PCM1: variants seen among roughly 807,000 people sequenced by gnomAD.
PCM1 encodes pericentriolar material 1.
A neutral mutation model predicts 241.9 loss-of-function variants in PCM1; 157 were observed. That is an observed-to-expected ratio of 0.65 (90% CI 0.57 to 0.74). The LOEUF (loss-of-function observed/expected upper bound fraction) is 0.74. Ranked by LOEUF, PCM1 falls within the 30% of genes least tolerant of loss-of-function variation. The pLI is 0.00. For synonymous variants in PCM1, 1,085 were observed against 784.9 expected (o/e 1.38, Z -6.39); for missense variants, 3,478 against 2,360.1 (o/e 1.47, Z -9.81).
chr8:17,931,125 TTTCCCAAACTAA>T (rs2058889399), intron 2 of PCM1, among the ~76,000 whole-genome samples: 2 of 152,180 alleles, frequency 1.3e-5, no homozygotes, highest in South Asian at 4.1e-4. Context: ...ATCATCTGTT[TTTCCCAAACTAA>T]TTAGAGTGTA....
rs764262984 is a variant in PCM1 at position 17,961,546 on chromosome 8, C to T, written c.2323-488C>T. On this transcript the variant is annotated intron_variant, in intron 15 of 38. Transcript: ENST00000325083. ...CAAGATGGTCTCAGTCTCCTGCCGTCGTGATCCGCCCGCCTCGGCCTCCTG... is the reference window on the plus strand; with the variant it reads ...CAAGATGGTCTCAGTCTCCTGCCGTTGTGATCCGCCCGCCTCGGCCTCCTG... Among the ~76,000 whole-genome samples the T allele has an allele frequency of 3.1e-4, 47 of 152,056 alleles. 1 individual carries two copies. Among genetic ancestry groups the T allele is most frequent in the Middle Eastern group, 3.2e-3 (1 of 316 alleles).
At chr8:18,026,201 A>AAAG (rs2094193890) in intron 38 of PCM1, among the ~76,000 whole-genome samples, 1 of 144,164 alleles carries the variant, frequency 6.9e-6, no homozygotes, top group African/African-American at 2.5e-5. Context: ...AAAAAAAAAA[A>AAAG]TGTAGACATG....
intron 27 of PCM1, 109 bp downstream of exon 27, chr8:17,990,088 T>A: frequency 1.3e-6 from 1 of 792,136 alleles, no homozygotes; most frequent in Non-Finnish European, 1.9e-6. Context: ...TGTGTGTGGT[T>A]GAAAGAATGT....
At chr8:17,946,307 C>T (rs562143536) in intron 6 of PCM1, among the ~76,000 whole-genome samples, 31 of 151,902 alleles carry the variant, frequency 2.0e-4, no homozygotes, top group African/African-American at 5.8e-4. Context: ...CCTTTGATGA[C>T]GAATATAAAA....
At chr8:18,012,102 C>A (rs2092603205) in intron 34 of PCM1, among the ~76,000 whole-genome samples, 2 of 152,090 alleles carry the variant, frequency 1.3e-5, no homozygotes, top group South Asian at 4.1e-4. Context: ...TCAAGCGATC[C>A]TCCCACCTCA....
intron 29 of PCM1, among the ~76,000 whole-genome samples, chr8:18,003,526 A>G (rs1042371051): frequency 7.2e-5 from 11 of 152,320 alleles, no homozygotes; most frequent in African/African-American, 2.6e-4. Context: ...ATGTGTTTAC[A>G]GGCAGAATTC....
At chr8:17,947,487 G>A (rs2064270423) in intron 7 of PCM1, 124 bp downstream of exon 7, 2 of 723,454 alleles carry the variant, frequency 2.8e-6, no homozygotes, top group Non-Finnish European at 4.5e-6. Context: ...ACCTTCATAT[G>A]AGGCTTATAC....
At chr8:17,972,080 C>G (rs764154710) in intron 22 of PCM1, among the ~76,000 whole-genome samples, 1 of 152,162 alleles carries the variant, frequency 6.6e-6, no homozygotes, top group Non-Finnish European at 1.5e-5. Context: ...ATTGCTAATG[C>G]TAGATCTTTG....
rs202114814 is a variant in PCM1, at chr8:17,966,976, G to C, written c.3222-4G>C. On this transcript the variant is annotated splice_region_variant and splice_polypyrimidine_tract_variant and intron_variant, in intron 20 of 38. Coordinates refer to ENST00000325083, the MANE Select transcript of PCM1 (RefSeq NM_006197.4). ...TCTTAGATTACTGACTTAAATCTTT[G>C]TAGGTTGAAACAAATGCTAAATGAA... The C allele has an allele frequency of 1.6e-3, 2,483 of 1,594,944 alleles. 12 individuals carry two copies. The highest frequency in any genetic ancestry group is 1.6e-3 in the Non-Finnish European group (1,817 of 1,170,816).
chr8:17,987,743 GCAGTGTC>G (rs1195441855), intron 26 of PCM1, among the ~76,000 whole-genome samples: 7 of 151,864 alleles, frequency 4.6e-5, no homozygotes, highest in Non-Finnish European at 1.0e-4. Context: ...ATCTGAAGCA[GCAGTGTC>G]CAGTAGAACT....
chr8:17,965,547 A>G (rs1164837684), intron 18 of PCM1, among the ~76,000 whole-genome samples: 1 of 152,246 alleles, frequency 6.6e-6, no homozygotes, highest in Non-Finnish European at 1.5e-5. Flanking sequence ...TTAAGCAAAA[A>G]TAACAAATTG....
rs75732717 is a variant in PCM1, at chr8:17,932,232, C to T, written c.-22-3357C>T. Among the ~76,000 whole-genome samples the T allele has an allele frequency of 2.4e-3, 368 of 152,150 alleles. 2 individuals carry two copies. The highest frequency in any genetic ancestry group is 8.6e-3 in the African/African-American group (356 of 41,536). ...GTTTTTTAATTTATCACAATTATAG[C>T]GTAATAAACAACTTCATTATAGTTC... is the stretch of plus-strand genomic sequence containing the variant. On this transcript the variant is annotated intron_variant, in intron 2 of 38. Coordinates refer to ENST00000325083, the MANE Select transcript of PCM1 (RefSeq NM_006197.4).
At chr8:17,929,731 C>T (rs117417743) in intron 2 of PCM1, among the ~76,000 whole-genome samples, 2,567 of 152,258 alleles carry the variant, frequency 0.017, 39 homozygotes, top group South Asian at 0.042. Flanking sequence ...CCAGAGACCC[C>T]CAGTGCATGC....
chr8:17,940,862 T>G (rs769264947), intron 6 of PCM1, among the ~76,000 whole-genome samples: 1 of 152,204 alleles, frequency 6.6e-6, no homozygotes, highest in Non-Finnish European at 1.5e-5. Context: ...CCTATAACCA[T>G]GCATTATTAA....
intron 6 of PCM1, among the ~76,000 whole-genome samples, chr8:17,941,665 C>G (rs546620009): frequency 6.6e-6 from 1 of 151,918 alleles, no homozygotes; most frequent in Non-Finnish European, 1.5e-5. Context: ...ATCTTTTAGT[C>G]TGAGAATTCG....
Position 17,923,203 on chromosome 8 carries a change from T to TC in PCM1, c.-91+19dup, listed in dbSNP as rs996167150. The stretch of plus-strand genomic sequence containing the variant: ...TTCTTGTAGAGGTAATGCCTGCGCG[T>TC]CCCCAGCCCTTGGCAACCTAGGGCG... On this transcript the variant is annotated intron_variant, in intron 1 of 38. Transcript: ENST00000325083. 3 of 152,316 alleles carry TC rather than the reference T, an allele frequency of 2.0e-5. No individual in the cohort carries two copies. The highest frequency in any genetic ancestry group is 7.2e-5 in the African/African-American group (3 of 41,446). 9.4% of individuals were successfully genotyped at this position (152,316 alleles called of 1,614,324 possible).
Position 17,966,380 on chromosome 8 carries a change from C to A in PCM1, c.3128C>A (p.Pro1043His). 1.2e-6 allele frequency: 2 copies of A among 1,613,410 alleles called. No homozygotes were observed. The highest frequency in any genetic ancestry group is 1.7e-6 in the Non-Finnish European group (2 of 1,179,484). ...TLLTGPYSVM[P>H]SNVASPQVHF... The stretch of plus-strand genomic sequence containing the variant: ...CTCACGGGTCCTTACAGTGTTATGC[C>A]CAGCAATGTTGCATCTCCTCAAGTA... The change falls in exon 20 of 39, where the codon CCC (proline) becomes CAC (histidine). Residue 1043 changes from proline to histidine, a missense_variant. Transcript: ENST00000325083.
chr8:17,993,945 A>C (rs1300085043), intron 29 of PCM1, among the ~76,000 whole-genome samples: 1 of 152,152 alleles, frequency 6.6e-6, no homozygotes, highest in Non-Finnish European at 1.5e-5. Context: ...TATGGGGTAC[A>C]TGAAATAGTT....
chr8:17,943,757 AT>A (rs980344537), intron 6 of PCM1, among the ~76,000 whole-genome samples: 9 of 151,784 alleles, frequency 5.9e-5, no homozygotes, highest in African/African-American at 1.2e-4. Flanking sequence ...ACCTGTGTTT[AT>A]TTTTTTCTCT....
Sources: allele counts gnomAD v4.1 joint callset (sites outside exome capture counted in the v4.1 genomes callset), GRCh38; gene constraint gnomAD v4.1.1; transcripts MANE v1.5; gene names NCBI Gene and HGNC (gene_info 2026-07-23, HGNC 2026-07-21).